TANC2: variants seen among roughly 807,000 people sequenced by gnomAD.
The protein encoded by TANC2 is tetratricopeptide repeat, ankyrin repeat and coiled-coil containing 2, also known as protein TANC2.
TANC2 carries 26 observed loss-of-function variants against 210.5 expected under a neutral mutation model. That is an observed-to-expected ratio of 0.12 (90% CI 0.09 to 0.17). The LOEUF is 0.17. Among genes scored for constraint, TANC2 ranks in the 10% least tolerant of loss-of-function variants. The probability of loss-of-function intolerance (pLI) is 1.00; values close to 1 mark genes in which losing one functional copy is unlikely to be tolerated. For synonymous variants in TANC2, 931 were observed against 967.1 expected (o/e 0.96, Z 0.69); for missense variants, 2,129 against 2,608.9 (o/e 0.82, Z 4.01).
intron 14 of TANC2, among the ~76,000 whole-genome samples, chr17:63,374,219 G>A (rs1254594228): frequency 1.3e-5 from 2 of 151,656 alleles, no homozygotes; most frequent in Non-Finnish European, 2.9e-5. Flanking sequence ...TAACTTTTTT[G>A]TAGAGACAGG....
chr17:63,070,162 C>T (rs765491700), intron 2 of TANC2, among the ~76,000 whole-genome samples: 1 of 152,116 alleles, frequency 6.6e-6, no homozygotes, highest in Non-Finnish European at 1.5e-5. Flanking sequence ...GATATTACCA[C>T]ATAATCTAGA....
At chr17:63,157,173 A>G (rs1407678379) in intron 5 of TANC2, among the ~76,000 whole-genome samples, 3 of 152,086 alleles carry the variant, frequency 2.0e-5, no homozygotes, top group East Asian at 1.9e-4. Flanking sequence ...GCCTCATCCT[A>G]TGCTTTGGGA....
intron 5 of TANC2, among the ~76,000 whole-genome samples, chr17:63,175,505 C>A (rs768993296): frequency 9.6e-5 from 12 of 125,342 alleles, no homozygotes; most frequent in African/African-American, 3.9e-4. Context: ...CTTACCTGGG[C>A]GACGGAGTGA....
intron 14 of TANC2, among the ~76,000 whole-genome samples, chr17:63,374,558 G>A (rs1005649426): frequency 2.0e-5 from 3 of 152,038 alleles, no homozygotes; most frequent in Non-Finnish European, 4.4e-5. Flanking sequence ...TGAGTTTATC[G>A]GGGGGCACCA....
At chr17:63,054,166 A>G (rs1458063492) in intron 2 of TANC2, among the ~76,000 whole-genome samples, 2 of 152,200 alleles carry the variant, frequency 1.3e-5, no homozygotes, top group African/African-American at 2.4e-5. Flanking sequence ...TTGAATTATT[A>G]TTAGTACTAA....
intron 1 of TANC2, among the ~76,000 whole-genome samples, chr17:62,973,174 C>G (rs1449528044): frequency 6.6e-6 from 1 of 152,098 alleles, no homozygotes; most frequent in African/African-American, 2.4e-5. Flanking sequence ...GGATCACAGG[C>G]ATGTGCCACC....
intron 8 of TANC2, among the ~76,000 whole-genome samples, chr17:63,246,116 TTGTC>T (rs1331139025): frequency 6.6e-6 from 1 of 152,038 alleles, no homozygotes; most frequent in Non-Finnish European, 1.5e-5. Context: ...AACAAGATCT[TTGTC>T]TGAATTATCT....
chr17:63,312,255 T>C (rs2045149720), intron 9 of TANC2, among the ~76,000 whole-genome samples: 1 of 152,178 alleles, frequency 6.6e-6, no homozygotes, highest in Non-Finnish European at 1.5e-5. Context: ...CAAAAAGACA[T>C]ATGCATGCGT....
chr17:63,312,661 C>T (rs1486903525), intron 9 of TANC2, among the ~76,000 whole-genome samples: 1 of 152,144 alleles, frequency 6.6e-6, no homozygotes, highest in Non-Finnish European at 1.5e-5. Context: ...TACCCCAAAC[C>T]TCAGCATCAC....
intron 9 of TANC2, among the ~76,000 whole-genome samples, chr17:63,297,715 GA>G (rs1268594755): frequency 1.3e-5 from 2 of 151,924 alleles, no homozygotes; most frequent in Non-Finnish European, 2.9e-5. Flanking sequence ...AAGATATTTT[GA>G]ACTTCATTAA....
intron 2 of TANC2, among the ~76,000 whole-genome samples, chr17:63,039,884 T>A (rs192574934): frequency 1.1e-3 from 170 of 152,310 alleles, no homozygotes; most frequent in Non-Finnish European, 1.9e-3. Flanking sequence ...AACATTTATA[T>A]TTATACTAAA....
chr17:63,161,585 T>C (rs2040026272), intron 5 of TANC2, among the ~76,000 whole-genome samples: 1 of 152,152 alleles, frequency 6.6e-6, no homozygotes, highest in Non-Finnish European at 1.5e-5. Context: ...TTCTTCCTAA[T>C]TCTCGGGCAT....
chr17:63,280,104 A>G (rs2146343841), intron 9 of TANC2, among the ~76,000 whole-genome samples: 1 of 152,212 alleles, frequency 6.6e-6, no homozygotes, highest in Non-Finnish European at 1.5e-5. Context: ...AATCTTAAAG[A>G]TTTCATCCAA....
chr17:63,071,058 A>G (rs1421747794), intron 2 of TANC2, among the ~76,000 whole-genome samples: 1 of 152,168 alleles, frequency 6.6e-6, no homozygotes, highest in African/African-American at 2.4e-5. Context: ...CCTTTTCACT[A>G]AAAAGAAAAT....
At chr17:63,061,955 C>A (rs771993080) in intron 2 of TANC2, among the ~76,000 whole-genome samples, 1 of 152,042 alleles carries the variant, frequency 6.6e-6, no homozygotes, top group Non-Finnish European at 1.5e-5. Context: ...TCTGTCTCTT[C>A]ATTTCTGAGT....
chr17:63,120,133 T>C (rs1471759374), intron 4 of TANC2, among the ~76,000 whole-genome samples: 2 of 152,210 alleles, frequency 1.3e-5, no homozygotes, highest in African/African-American at 4.8e-5. Context: ...GATTTATTCA[T>C]TTTCAAGTAA....
intron 3 of TANC2, among the ~76,000 whole-genome samples, chr17:63,076,796 A>T (rs532649267): frequency 7.6e-4 from 115 of 152,278 alleles, no homozygotes; most frequent in African/African-American, 2.6e-3. Context: ...GATAGTAAAA[A>T]CCAAAAGCTT....
chr17:63,074,278 A>T (rs756696761), intron 3 of TANC2, among the ~76,000 whole-genome samples: 2 of 152,118 alleles, frequency 1.3e-5, no homozygotes, highest in Non-Finnish European at 2.9e-5. Context: ...TCTGGATATC[A>T]CTTTTGGAAT....
At chr17:63,350,368 A>G (rs2046562048) in intron 12 of TANC2, among the ~76,000 whole-genome samples, 1 of 152,168 alleles carries the variant, frequency 6.6e-6, no homozygotes, top group African/African-American at 2.4e-5. Flanking sequence ...TTTGTTATTC[A>G]CAATTCACTT....
Sources: gnomAD v4.1 joint callset for allele counts (sites outside exome capture counted in the v4.1 genomes callset) on GRCh38, gnomAD v4.1.1 for gene constraint, MANE v1.5 for transcripts, NCBI Gene and HGNC (gene_info 2026-07-23, HGNC 2026-07-21) for gene names.